RIMS2: variants seen among roughly 807,000 people sequenced by gnomAD.
The protein encoded by RIMS2 is regulating synaptic membrane exocytosis 2, also known as regulating synaptic membrane exocytosis protein 2.
A neutral mutation model predicts 174.4 loss-of-function variants in RIMS2; 59 were observed. The observed-to-expected ratio is 0.34, with a 90% CI of 0.27 to 0.42. The LOEUF is 0.42. Ranked by LOEUF, RIMS2 falls within the 10% of genes least tolerant of loss-of-function variation. The probability of loss-of-function intolerance (pLI) is 1.00; values close to 1 mark genes in which losing one functional copy is unlikely to be tolerated. For missense variants in RIMS2, 1,620 were observed against 1,666.3 expected (o/e 0.97, Z 0.48); for synonymous variants, 606 against 572.5 (o/e 1.06, Z -0.84).
At chr8:103,812,331 G>GT (rs71575985) in intron 3 of RIMS2, among the ~76,000 whole-genome samples, 4,039 of 110,980 alleles carry the variant, frequency 0.036, 96 homozygotes, top group African/African-American at 0.068. Context: ...TTATTACCTT[G>GT]TTTTTTTTTT....
intron 17 of RIMS2, among the ~76,000 whole-genome samples, chr8:104,008,590 TC>T (rs1355788254): frequency 6.6e-6 from 1 of 151,928 alleles, no homozygotes; most frequent in African/African-American, 2.4e-5. Flanking sequence ...TTTGGTCATT[TC>T]TTCATGCAAT....
chr8:104,063,241 A>C (rs2097037595), intron 19 of RIMS2, among the ~76,000 whole-genome samples: 1 of 152,056 alleles, frequency 6.6e-6, no homozygotes, highest in African/African-American at 2.4e-5. Flanking sequence ...GAATAAGTTT[A>C]ATTATAAAGT....
chr8:103,977,173 TAA>T (rs1596250433), intron 16 of RIMS2: 1 of 152,176 alleles, frequency 6.6e-6, no homozygotes, highest in African/African-American at 2.4e-5. Flanking sequence ...TTGAAGGATA[TAA>T]GACACTAAAA....
chr8:103,992,274 A>AAT (rs1565726059), intron 17 of RIMS2, among the ~76,000 whole-genome samples: 11 of 107,102 alleles, frequency 1.0e-4, no homozygotes, highest in Admixed American at 2.2e-4. Flanking sequence ...ATGTCCAGCT[A>AAT]TTTTTTTTTT....
At chr8:103,989,858 G>A (rs1014193516) in intron 17 of RIMS2, among the ~76,000 whole-genome samples, 11 of 152,054 alleles carry the variant, frequency 7.2e-5, no homozygotes, top group South Asian at 2.1e-4. Flanking sequence ...GTATTGAGAC[G>A]GAGTCTGATT....
At chr8:103,679,622 A>C (rs1269273544) in intron 1 of RIMS2, among the ~76,000 whole-genome samples, 1 of 152,020 alleles carries the variant, frequency 6.6e-6, no homozygotes, top group Non-Finnish European at 1.5e-5. Flanking sequence ...ATTTCACAGA[A>C]CTCAGAAGTG....
intron 4 of RIMS2, among the ~76,000 whole-genome samples, chr8:103,896,927 G>A (rs1316464929): frequency 2.0e-5 from 3 of 151,406 alleles, no homozygotes; most frequent in Non-Finnish European, 4.4e-5. Flanking sequence ...TATTCTATTT[G>A]GTATTAAAAA....
intron 3 of RIMS2, among the ~76,000 whole-genome samples, chr8:103,843,303 G>A (rs2098950938): frequency 6.6e-6 from 1 of 152,156 alleles, no homozygotes; most frequent in African/African-American, 2.4e-5. Context: ...AAGAGACAGG[G>A]TGTTGCTATC....
chr8:103,835,682 A>T lies in RIMS2; in HGVS notation c.699-49616A>T, dbSNP rs75705713. On this transcript the variant is annotated intron_variant, in intron 3 of 23. Coordinates refer to ENST00000504942, the Ensembl canonical transcript of RIMS2. ...ATATTTTAAGTTGTATTGATCCTAT[A>T]CTTGCTGGTAGGAATTATATATGTA... is the stretch of plus-strand genomic sequence containing the variant. Among the ~76,000 whole-genome samples the T allele has an allele frequency of 3.7e-3, 570 of 152,266 alleles. 8 individuals carry two copies. Among genetic ancestry groups the T allele is most frequent in the African/African-American group, 0.013 (541 of 41,532 alleles).
chr8:104,139,803 A>G (rs1466714766), intron 19 of RIMS2, among the ~76,000 whole-genome samples: 1 of 152,086 alleles, frequency 6.6e-6, no homozygotes, highest in African/African-American at 2.4e-5. Flanking sequence ...ATGATGTTGA[A>G]TAATAGTGGT....
rs28709318 is a variant in RIMS2 at position 104,188,579 on chromosome 8, A to G, written c.3335-56337A>G. On this transcript the variant is annotated intron_variant, in intron 19 of 23. Coordinates refer to ENST00000504942, the Ensembl canonical transcript of RIMS2. ...ATATGCCCAATATAAGAGGTATTCA[A>G]TGTTTTTTGTAGTAGGCATTGTGCA... Among the ~76,000 whole-genome samples, 1,512 of 151,938 alleles carry G rather than the reference A, an allele frequency of 1.0e-2. 21 individuals are homozygous for G. Among genetic ancestry groups the G allele is most frequent in the African/African-American group, 0.033 (1,360 of 41,488 alleles).
At chr8:103,532,875 A>G (rs190781358) in intron 1 of RIMS2, among the ~76,000 whole-genome samples, 6 of 152,338 alleles carry the variant, frequency 3.9e-5, no homozygotes, top group African/African-American at 1.4e-4. Context: ...ACAAAAAAAG[A>G]AAAAAGGGAA....
chr8:103,622,516 C>A (rs2095660254), intron 1 of RIMS2, among the ~76,000 whole-genome samples: 1 of 152,012 alleles, frequency 6.6e-6, no homozygotes, highest in Non-Finnish European at 1.5e-5. Flanking sequence ...ATATATGTAA[C>A]ATTTTTAAGA....
At chr8:103,886,132 G>A (rs781097729) in exon 4 of RIMS2, 7 of 1,612,980 alleles carry the variant, frequency 4.3e-6, no homozygotes, top group Non-Finnish European at 5.1e-6. Context: ...GCCAGATTTC[G>A]TTGAGCAGTT....
intron 3 of RIMS2, among the ~76,000 whole-genome samples, chr8:103,773,612 C>G (rs1422617460): frequency 1.3e-5 from 2 of 152,044 alleles, no homozygotes; most frequent in African/African-American, 4.8e-5. Context: ...ACCTGTAATC[C>G]CAGCTACTCA....
intron 19 of RIMS2, among the ~76,000 whole-genome samples, chr8:104,048,206 C>T (rs989167401): frequency 6.6e-6 from 1 of 151,934 alleles, no homozygotes; most frequent in Non-Finnish European, 1.5e-5. Flanking sequence ...TATTAAAAGC[C>T]TTAACATCTG....
At chr8:103,605,737 A>G (rs1332339097) in intron 1 of RIMS2, among the ~76,000 whole-genome samples, 7 of 152,058 alleles carry the variant, frequency 4.6e-5, no homozygotes, top group Non-Finnish European at 7.4e-5. Flanking sequence ...GGGAGAGTGT[A>G]TGTGTCGAGG....
intron 19 of RIMS2, among the ~76,000 whole-genome samples, chr8:104,119,041 C>T (rs1233420949): frequency 1.3e-5 from 2 of 151,914 alleles, no homozygotes; most frequent in Non-Finnish European, 2.9e-5. Flanking sequence ...GCATATGTGT[C>T]CGGGCACGGA....
At chr8:103,903,417 T>G (rs534695187) in intron 4 of RIMS2, among the ~76,000 whole-genome samples, 19 of 151,876 alleles carry the variant, frequency 1.3e-4, no homozygotes, top group Non-Finnish European at 2.4e-4. Context: ...TAACCCAAAG[T>G]AATGAAAAAC....
Sources: gnomAD v4.1 joint callset for allele counts (sites outside exome capture counted in the v4.1 genomes callset) on GRCh38, gnomAD v4.1.1 for gene constraint, MANE v1.5 for transcripts, NCBI Gene and HGNC (gene_info 2026-07-23, HGNC 2026-07-21) for gene names.